Variants in COL18A1 observed in about 807,000 individuals in gnomAD.
The protein encoded by COL18A1 is collagen type XVIII alpha 1 chain.
Under a neutral mutation model 168.0 loss-of-function variants are expected in COL18A1, and 133 were observed. The ratio of observed to expected loss-of-function variants is 0.79; its 90% CI spans 0.69 to 0.91. COL18A1 has a LOEUF of 0.91. Ranked by LOEUF, COL18A1 falls within the 40% of genes least tolerant of loss-of-function variation. The probability of loss-of-function intolerance (pLI) is 0.00; values close to 1 mark genes in which losing one functional copy is unlikely to be tolerated. For missense variants in COL18A1, 2,126 were observed against 1,925.4 expected (o/e 1.10, Z -1.95); for synonymous variants, 949 against 809.0 (o/e 1.17, Z -2.94).
chr21:45,504,013 C>G lies in COL18A1; in HGVS notation c.2686C>G (p.Gln896Glu). 6.2e-7 allele frequency: 1 copy of G among 1,613,662 alleles called. No individual in the cohort carries two copies. The change falls in exon 33 of 42, where the codon CAG becomes GAG. Residue 896 changes from glutamine (Q) to glutamate (E), a missense_variant and splice_region_variant. By Grantham distance (29) the Gln-to-Glu change is conservative. Coordinates refer to ENST00000651438, the MANE Select transcript of COL18A1 (RefSeq NM_001379500.1). ...CCCCGCCTGTCTCTCTCTTGCAGGGCAGTTTCCGTTTGACTTTCTTCAGTT... is the reference window on the plus strand; with the variant it reads ...CCCCGCCTGTCTCTCTCTTGCAGGGGAGTTTCCGTTTGACTTTCTTCAGTT... The part of the protein sequence containing the change: ...GEVGPPGPPG[Q>E]FPFDFLQLEA...
Position 45,468,543 on chromosome 21 carries a change from C to T in COL18A1, c.408C>T (p.Ser136=). The change falls in exon 3 of 42, where the codon TCC becomes TCT. Residue 136 remains serine (S), a synonymous_variant. Transcript: ENST00000651438. ...TGCAGGACGGGCACCAGGACATCTC[C>T]CTGCTCTACACAGAACCAGGTGCAG... ...SGVQDGHQDI[S]LLYTEPGAGQ... 1 of 1,613,458 alleles carries T rather than the reference C, an allele frequency of 6.2e-7. No individual in the cohort carries two copies. The highest frequency in any genetic ancestry group is 8.5e-7 in the Non-Finnish European group (1 of 1,179,886).
rs538515792 is a variant in COL18A1, at chr21:45,417,254, C to A, written c.106+11781C>A. On this transcript the variant is annotated intron_variant, in intron 2 of 41. Coordinates refer to ENST00000651438, the MANE Select transcript of COL18A1 (RefSeq NM_001379500.1). ...TATTTCACGTGGACTCACCTCCTGG[C>A]TTGTCAGGGCCTTGTGGGATTCTTA... Among the ~76,000 whole-genome samples, 4 of 152,312 alleles carry A rather than the reference C, an allele frequency of 2.6e-5. No individual in the cohort carries two copies. In the East Asian group the frequency reaches 7.7e-4, roughly 29 times the overall value.
intron 26 of COL18A1, chr21:45,494,166 C>T: frequency 2.4e-6 from 1 of 420,206 alleles, no homozygotes; most frequent in South Asian, 2.4e-5. Context: ...ATCCCCAGGC[C>T]CAGTGAGAGC....
chr21:45,450,095 G>T (rs1275592562), intron 2 of COL18A1, among the ~76,000 whole-genome samples: 2 of 152,144 alleles, frequency 1.3e-5, no homozygotes, highest in Admixed American at 6.5e-5. Flanking sequence ...CATGGGCAGT[G>T]GGTACTGGGA....
intron 13 of COL18A1, among the ~76,000 whole-genome samples, chr21:45,481,263 C>A (rs1001993367): frequency 1.3e-5 from 2 of 152,172 alleles, no homozygotes; most frequent in Admixed American, 1.3e-4. Flanking sequence ...CAGGTCCCCA[C>A]GGCAGGCTCC....
rs774938389 is a variant in COL18A1, at chr21:45,437,402, ACACT to A, written c.107-30836_107-30833del. ...CACACAGGCACTCTCCTGCACACACACACTCACACTCAGACACACAGGCACTCTC... is the reference window on the plus strand; with the variant it reads ...CACACAGGCACTCTCCTGCACACACACACACTCAGACACACAGGCACTCTC... On this transcript the variant is annotated intron_variant, in intron 2 of 41. Transcript: ENST00000651438. Among the ~76,000 whole-genome samples the A allele has an allele frequency of 8.9e-5, 10 of 112,654 alleles. 1 individual carries two copies. Among genetic ancestry groups the A allele is most frequent in the Admixed American group, 3.5e-4 (4 of 11,370 alleles). 73.9% of individuals were successfully genotyped at this position (112,654 alleles called of 152,430 possible).
intron 37 of COL18A1, chr21:45,507,324 T>C: frequency 1.7e-6 from 1 of 576,628 alleles, no homozygotes; most frequent in South Asian, 1.9e-5. Context: ...TCCTGTGGGC[T>C]GGCAGGGCCG....
chr21:45,509,428 C>A lies in COL18A1; in HGVS notation c.3322C>A (p.His1108Asn). ...HDSNPYPRRE[H>N]PHPTARPWRA... ...CAGCAACCCCTACCCGCGGCGGGAG[C>A]ACCCCCACCCCACCGCGCGGCCCTG... is the stretch of plus-strand genomic sequence containing the variant. The change falls in exon 39 of 42, where the codon CAC (histidine) becomes AAC (asparagine). Residue 1108 changes from histidine (H) to asparagine (N), a missense_variant. Physicochemically the swap from His to Asn is moderately conservative, Grantham distance 68. Transcript: ENST00000651438. 1 of 1,533,690 alleles carries A rather than the reference C, an allele frequency of 6.5e-7. No individual in the cohort carries two copies. Among genetic ancestry groups the A allele is most frequent in the Admixed American group, 2.0e-5 (1 of 51,090 alleles).
chr21:45,505,695 C>G, intron 36 of COL18A1, 143 bp from the exon 37 acceptor site: 2 of 726,994 alleles, frequency 2.8e-6, no homozygotes, highest in Non-Finnish European at 4.7e-6. Context: ...CCCCATGGTG[C>G]TCATGGGGGC....
At position 45,423,153 on chromosome 21, in the gene COL18A1, T is replaced by G. The variant is rs949547623; in HGVS notation, c.106+17680T>G. ...GTCCCCACTTTTGACCACTTCTCCT[T>G]CTCCATAGGGCAAATCAAGCTTGGA... On this transcript the variant is annotated intron_variant, in intron 2 of 41. Coordinates refer to ENST00000651438, the MANE Select transcript of COL18A1 (RefSeq NM_001379500.1). The surrounding 1 kb of genome is among the most constrained non-coding windows in gnomAD (Gnocchi z 4.0). Among the ~76,000 whole-genome samples, 2 of 152,070 alleles carry G rather than the reference T, an allele frequency of 1.3e-5. No individual in the cohort carries two copies. The highest frequency in any genetic ancestry group is 6.5e-5 in the Admixed American group (1 of 15,272).
At chr21:45,491,867 G>A (rs1398191347) in intron 22 of COL18A1, among the ~76,000 whole-genome samples, 1 of 152,176 alleles carries the variant, frequency 6.6e-6, no homozygotes, top group Non-Finnish European at 1.5e-5. Context: ...TCTGGGCAGG[G>A]AGCTGAGCCC....
rs17004782 is a variant in COL18A1, at chr21:45,483,298, G to A, written c.1701+477G>A. ...GGCTCATGAGCATCTGGGGGCACTC[G>A]GAAGGAGCGCTGAAGGCAGCCCGGG... is the stretch of plus-strand genomic sequence containing the variant. On this transcript the variant is annotated intron_variant, in intron 15 of 41. Transcript: ENST00000651438. Among the ~76,000 whole-genome samples the A allele has an allele frequency of 8.0e-3, 1,224 of 152,316 alleles. 10 individuals are homozygous for A. Among genetic ancestry groups the A allele is most frequent in the South Asian group, 0.02 (96 of 4,832 alleles).
At chr21:45,449,721 A>G (rs2034580282) in intron 2 of COL18A1, among the ~76,000 whole-genome samples, 1 of 152,172 alleles carries the variant, frequency 6.6e-6, no homozygotes, top group South Asian at 2.1e-4. Flanking sequence ...ACCTGGACCC[A>G]GGCCTGGCCA....
chr21:45,494,206 G>A (rs1186008918), intron 26 of COL18A1: 1 of 505,496 alleles, frequency 2.0e-6, no homozygotes, highest in Non-Finnish European at 3.6e-6. Context: ...GTGCATTGGA[G>A]CTGGGGCCTG....
rs370346282 is a variant in COL18A1, at chr21:45,480,868, G to A, written c.1611+10G>A. 44 of 1,608,622 alleles carry A rather than the reference G, an allele frequency of 2.7e-5. 1 individual carries two copies. The highest frequency in any genetic ancestry group is 1.5e-4 in the Admixed American group (9 of 59,690). On this transcript the variant is annotated intron_variant, in intron 13 of 41. Coordinates refer to ENST00000651438, the MANE Select transcript of COL18A1 (RefSeq NM_001379500.1). ...GTTTCCTGGCCTCCCGGTAAGTCCT[G>A]CCTCCACCGTCAGTGTCGGGAGCCC...
chr21:45,453,710 AG>A (rs1359490499), intron 2 of COL18A1, among the ~76,000 whole-genome samples: 1 of 152,086 alleles, frequency 6.6e-6, no homozygotes, highest in Admixed American at 6.5e-5. Flanking sequence ...GGAAGGGTGG[AG>A]GGAGCTGGGC....
At position 45,478,309 on chromosome 21, in the gene COL18A1, C is replaced by T. The variant is rs2035756460; in HGVS notation, c.1222-18C>T. 4 of 1,613,926 alleles carry T rather than the reference C, an allele frequency of 2.5e-6. No homozygotes were observed. The highest frequency in any genetic ancestry group is 3.4e-6 in the Non-Finnish European group (4 of 1,179,988). On this transcript the variant is annotated intron_variant, in intron 8 of 41. Coordinates refer to ENST00000651438, the MANE Select transcript of COL18A1 (RefSeq NM_001379500.1). ...AGGAGTCATTTCCCATCACTAATGG[C>T]TTCTCTTGCACACCCAGGGCGACCC...
At chr21:45,483,008 G>C (rs1362137926) in intron 15 of COL18A1, among the ~76,000 whole-genome samples, 187 bp downstream of exon 15, 2 of 152,226 alleles carry the variant, frequency 1.3e-5, no homozygotes, top group Non-Finnish European at 2.9e-5. Context: ...TGTCACTCTG[G>C]CGAGGTGGCT....
chr21:45,505,764 G>A (rs1374572114), intron 36 of COL18A1, 74 bp from the exon 37 acceptor site: 59 of 1,189,242 alleles, frequency 5.0e-5, no homozygotes, highest in East Asian at 1.8e-4. Context: ...ACCCTGAAAC[G>A]GGCATTCCTT....
Sources: gnomAD v4.1 joint callset for allele counts (sites outside exome capture counted in the v4.1 genomes callset) on GRCh38, gnomAD v4.1.1 for gene constraint, Gnocchi (gnomAD v3.1) non-coding constraint, MANE v1.5 for transcripts, NCBI Gene and HGNC (gene_info 2026-07-23, HGNC 2026-07-21) for gene names.